The following CHD7 variants were observed in gnomAD, a reference collection of about 807,000 sequenced individuals.
The protein encoded by CHD7 is chromodomain helicase DNA binding protein 7.
Under a neutral mutation model 307.3 loss-of-function variants are expected in CHD7, and 24 were observed. The ratio of observed to expected loss-of-function variants is 0.08; its 90% CI spans 0.06 to 0.11. The LOEUF (loss-of-function observed/expected upper bound fraction) is 0.11, where lower values mean the gene tolerates loss of function less well. CHD7 is among the 10% of genes least tolerant of loss of function. CHD7 has a pLI of 1.00. For synonymous variants in CHD7, 1,363 were observed against 1,349.9 expected (o/e 1.01, Z -0.21); for missense variants, 3,106 against 3,727.1 (o/e 0.83, Z 4.34).
At chr8:60,723,759 G>C (rs1019606688) in intron 1 of CHD7, among the ~76,000 whole-genome samples, 42 of 152,202 alleles carry the variant, frequency 2.8e-4, no homozygotes, top group African/African-American at 1.0e-3. Flanking sequence ...TTACTCCATA[G>C]ATTGTGTTTG....
intron 4 of CHD7, 110 bp downstream of exon 4, chr8:60,795,237 A>G: frequency 5.6e-6 from 6 of 1,068,032 alleles, no homozygotes; most frequent in Non-Finnish European, 8.1e-6. Flanking sequence ...TGCTCTTGAG[A>G]TGTCTTTATT....
chr8:60,817,294 G>T (rs1483255749), intron 8 of CHD7, among the ~76,000 whole-genome samples: 1 of 152,180 alleles, frequency 6.6e-6, no homozygotes, highest in Admixed American at 6.5e-5. Flanking sequence ...TAGACTTTAT[G>T]TAAAAGAAGC....
At chr8:60,760,966 A>G (rs2150619609) in intron 2 of CHD7, among the ~76,000 whole-genome samples, 1 of 152,308 alleles carries the variant, frequency 6.6e-6, no homozygotes, top group East Asian at 1.9e-4. Flanking sequence ...TAGAAATACC[A>G]TTTGACCCAG....
At chr8:60,736,504 T>C (rs187429629) in intron 1 of CHD7, among the ~76,000 whole-genome samples, 1 of 152,160 alleles carries the variant, frequency 6.6e-6, no homozygotes, top group African/African-American at 2.4e-5. Flanking sequence ...GATGTGCTGT[T>C]TTTTTAGCTG....
intron 2 of CHD7, among the ~76,000 whole-genome samples, chr8:60,779,192 C>T (rs1257408203): frequency 1.3e-5 from 2 of 152,186 alleles, no homozygotes; most frequent in Non-Finnish European, 2.9e-5. Flanking sequence ...CTTCATTTTG[C>T]AGAAAAAGAA....
intron 1 of CHD7, among the ~76,000 whole-genome samples, chr8:60,731,612 G>T (rs1294916913): frequency 6.6e-6 from 1 of 152,322 alleles, no homozygotes; most frequent in Non-Finnish European, 1.5e-5. Flanking sequence ...ATATGCAACT[G>T]TTAACTCTGT....
chr8:60,713,379 G>A (rs1807386395), intron 1 of CHD7, among the ~76,000 whole-genome samples: 1 of 151,936 alleles, frequency 6.6e-6, no homozygotes, highest in Non-Finnish European at 1.5e-5. Flanking sequence ...CAAAGTGCTG[G>A]GATTACAGGC....
chr8:60,691,328 A>G (rs1443968608), intron 1 of CHD7, among the ~76,000 whole-genome samples: 2 of 152,154 alleles, frequency 1.3e-5, no homozygotes, highest in Non-Finnish European at 2.9e-5. Flanking sequence ...TCAGCCTGCT[A>G]TTGATCTAGT....
chr8:60,792,860 A>G (rs1811841035), intron 3 of CHD7, among the ~76,000 whole-genome samples: 1 of 152,254 alleles, frequency 6.6e-6, no homozygotes, highest in Non-Finnish European at 1.5e-5. Context: ...ACTCTTTGAC[A>G]GGCCTACCTC....
At position 60,816,415 on chromosome 8, in the gene CHD7, A is replaced by G. The variant is rs772358323; in HGVS notation, c.2527A>G (p.Ile843Val). ...FSYLHCQWAS[I>V]EDLEKDKRIQ... Reference sequence around the variant, plus strand: ...TTATCTTCATTGTCAGTGGGCATCTATAGAAGATCTGGAAAAAGATAAGAG... The same window carrying G: ...TTATCTTCATTGTCAGTGGGCATCTGTAGAAGATCTGGAAAAAGATAAGAG... The change falls in exon 8 of 38, where the codon ATA becomes GTA. Residue 843 changes from isoleucine to valine, a missense_variant. Around this residue, in one of 10 missense-constraint regions of CHD7, gnomAD observed 188 missense variants for 261.7 expected, o/e 0.72. Coordinates refer to ENST00000423902, the MANE Select transcript of CHD7 (RefSeq NM_017780.4). The G allele has an allele frequency of 7.5e-6, 12 of 1,604,766 alleles. No individual in the cohort carries two copies. Among genetic ancestry groups the G allele is most frequent in the Non-Finnish European group, 1.0e-5 (12 of 1,173,726 alleles).
chr8:60,778,094 G>A (rs1188101436), intron 2 of CHD7, among the ~76,000 whole-genome samples: 1 of 148,850 alleles, frequency 6.7e-6, no homozygotes, highest in Non-Finnish European at 1.5e-5. Flanking sequence ...ATCTGGTGGG[G>A]TGGGGGGTGG....
intron 15 of CHD7, 24 bp from the exon 16 acceptor site, chr8:60,836,049 C>G (rs774316049): frequency 6.4e-7 from 1 of 1,555,464 alleles, no homozygotes; most frequent in African/African-American, 1.4e-5. Flanking sequence ...ACAGTATTCA[C>G]GTTATGCTGT....
chr8:60,820,894 C>T (rs1803999392), intron 9 of CHD7, among the ~76,000 whole-genome samples: 1 of 152,098 alleles, frequency 6.6e-6, no homozygotes. Flanking sequence ...TGTTTCATAG[C>T]ATATTTACAT....
rs1039970342 is a variant in CHD7 at position 60,841,402 on chromosome 8, G to A, written c.4534-242G>A. 2.6e-5 allele frequency among the ~76,000 whole-genome samples: 4 copies of A among 152,176 alleles called. No homozygotes were observed. In the East Asian group the frequency reaches 7.7e-4, roughly 29 times the overall value. ...GGGGCCCCTCCTCTGTATATCACTTGCACTGGTCTATACACTTGCTCCCTA... is the reference window on the plus strand; with the variant it reads ...GGGGCCCCTCCTCTGTATATCACTTACACTGGTCTATACACTTGCTCCCTA... On this transcript the variant is annotated intron_variant, in intron 19 of 37. Coordinates refer to ENST00000423902, the MANE Select transcript of CHD7 (RefSeq NM_017780.4).
chr8:60,835,638 A>T (rs1208869047), intron 15 of CHD7, among the ~76,000 whole-genome samples: 1 of 152,180 alleles, frequency 6.6e-6, no homozygotes, highest in African/African-American at 2.4e-5. Context: ...TTAGGACTCT[A>T]TTCCTTTGTT....
At chr8:60,684,698 C>G (rs1805795510) in intron 1 of CHD7, among the ~76,000 whole-genome samples, 1 of 152,146 alleles carries the variant, frequency 6.6e-6, no homozygotes, top group Non-Finnish European at 1.5e-5. Context: ...AGGCAGTATC[C>G]AACTTGGTCA....
chr8:60,805,193 A>G (rs1586358577), intron 6 of CHD7, among the ~76,000 whole-genome samples: 1 of 152,236 alleles, frequency 6.6e-6, no homozygotes, highest in African/African-American at 2.4e-5. Flanking sequence ...TTAGTAAATA[A>G]TTGAAATGAT....
chr8:60,763,268 G>A (rs1414854210), intron 2 of CHD7, among the ~76,000 whole-genome samples: 4 of 152,180 alleles, frequency 2.6e-5, no homozygotes, highest in Non-Finnish European at 4.4e-5. Context: ...AAATACTGAT[G>A]AGATATTTTA....
intron 2 of CHD7, among the ~76,000 whole-genome samples, chr8:60,776,441 T>A (rs1038018865): frequency 6.6e-6 from 1 of 152,230 alleles, no homozygotes; most frequent in Non-Finnish European, 1.5e-5. Context: ...AAAAGCTTGC[T>A]TGTGAAGCAT....
Sources: gnomAD v4.1 joint callset for allele counts (sites outside exome capture counted in the v4.1 genomes callset) on GRCh38, gnomAD v4.1.1 for gene constraint, gnomAD v4.1.1 regional missense constraint, MANE v1.5 for transcripts, NCBI Gene and HGNC (gene_info 2026-07-23, HGNC 2026-07-21) for gene names.